DOCK1: variants seen among roughly 807,000 people sequenced by gnomAD.
The protein encoded by DOCK1 is dedicator of cytokinesis protein 1.
DOCK1 carries 138 observed loss-of-function variants against 262.7 expected under a neutral mutation model. The observed-to-expected ratio is 0.53, with a 90% CI of 0.46 to 0.61. DOCK1 has a LOEUF of 0.61. Among genes scored for constraint, DOCK1 ranks in the 20% least tolerant of loss-of-function variants. The pLI is 0.00. For synonymous variants in DOCK1, 866 were observed against 867.4 expected, an observed-to-expected ratio of 1.00 and a Z score of 0.03; for missense variants, 1,908 against 2,370.7, an observed-to-expected ratio of 0.80 and a Z score of 4.05.
intron 10 of DOCK1, 65 bp downstream of exon 10, chr10:127,000,372 C>T: frequency 6.3e-7 from 1 of 1,579,624 alleles, no homozygotes; most frequent in East Asian, 2.3e-5. Flanking sequence ...AAAAGAATCA[C>T]TGTTGAATGT....
chr10:126,965,416 C>T (rs1047584209), intron 1 of DOCK1, among the ~76,000 whole-genome samples: 378 of 152,178 alleles, frequency 2.5e-3, no homozygotes, highest in African/African-American at 8.2e-3. Flanking sequence ...TCAGAATGCT[C>T]GGCGAAATGG....
intron 22 of DOCK1, among the ~76,000 whole-genome samples, chr10:127,060,953 G>A (rs781003681): frequency 1.2e-4 from 19 of 152,336 alleles, no homozygotes; most frequent in African/African-American, 3.8e-4. Flanking sequence ...GGTAGTGGCC[G>A]CCTGGCGGCT....
At chr10:127,269,219 A>G (rs2135156771) in intron 29 of DOCK1, among the ~76,000 whole-genome samples, 1 of 152,300 alleles carries the variant, frequency 6.6e-6, no homozygotes, top group Middle Eastern at 3.4e-3. Context: ...TGCTTTGTTC[A>G]GAGCCTGACC....
intron 29 of DOCK1, among the ~76,000 whole-genome samples, chr10:127,287,314 T>TTC (rs2061192389): frequency 6.6e-6 from 1 of 151,910 alleles, no homozygotes; most frequent in African/African-American, 2.4e-5. Flanking sequence ...GCAATCCTCC[T>TTC]GAATAGCTAG....
At chr10:126,921,850 C>T (rs925162224) in intron 1 of DOCK1, among the ~76,000 whole-genome samples, 2 of 151,248 alleles carry the variant, frequency 1.3e-5, no homozygotes, top group Non-Finnish European at 2.9e-5. Context: ...TGGGGTTTTG[C>T]CATGTCGGCC....
At chr10:127,231,041 TAA>T (rs1394899634) in intron 27 of DOCK1, among the ~76,000 whole-genome samples, 1 of 152,158 alleles carries the variant, frequency 6.6e-6, no homozygotes, top group African/African-American at 2.4e-5. Context: ...TAATTATTCC[TAA>T]GTCTTTTATT....
In DOCK1 at chr10:127,287,856, A is replaced by T. The variant is rs973568743; in HGVS notation, c.3044+30427A>T. 3.9e-5 allele frequency among the ~76,000 whole-genome samples: 6 copies of T among 152,162 alleles called. No homozygotes were observed. The South Asian group carries it at 6.2e-4, about 16-fold the overall frequency. On this transcript the variant is annotated intron_variant, in intron 29 of 51. Coordinates refer to ENST00000623213, the MANE Select transcript of DOCK1 (RefSeq NM_001290223.2). ...TACAGTAGTTTTTCACCTAATTGTT[A>T]TGGCAGCCAATGATGATCATTGACT...
chr10:127,359,201 G>T (rs916636485), intron 32 of DOCK1, among the ~76,000 whole-genome samples: 2 of 152,036 alleles, frequency 1.3e-5, no homozygotes, highest in African/African-American at 4.8e-5. Context: ...CTCACCTTGG[G>T]GACCACTGGT....
chr10:127,428,402 G>A lies in DOCK1; in HGVS notation c.4914+2391G>A, dbSNP rs73388646. 7.7e-3 allele frequency among the ~76,000 whole-genome samples: 1,175 copies of A among 152,038 alleles called. 10 individuals carry two copies. The highest frequency in any genetic ancestry group is 0.027 in the African/African-American group (1,124 of 41,494). ...AGGGTGCTGTGGATTGGTGTGCTGT[G>A]TGGATTGGGGTGCCGTGTGAATTGG... On this transcript the variant is annotated intron_variant, in intron 47 of 51. Coordinates refer to ENST00000623213, the MANE Select transcript of DOCK1 (RefSeq NM_001290223.2).
At chr10:127,228,483 C>T (rs1714317082) in intron 27 of DOCK1, among the ~76,000 whole-genome samples, 1 of 152,168 alleles carries the variant, frequency 6.6e-6, no homozygotes, top group South Asian at 2.1e-4. Flanking sequence ...CTTCCAGGGG[C>T]TGAATTCCAC....
intron 1 of DOCK1, among the ~76,000 whole-genome samples, chr10:126,949,143 C>G (rs1032337700): frequency 6.6e-6 from 1 of 152,076 alleles, no homozygotes; most frequent in Non-Finnish European, 1.5e-5. Flanking sequence ...CTGGGTTCCC[C>G]TCTGCACTTG....
At chr10:127,132,301 G>C (rs536214180) in intron 27 of DOCK1, among the ~76,000 whole-genome samples, 1 of 151,812 alleles carries the variant, frequency 6.6e-6, no homozygotes, top group African/African-American at 2.4e-5. Flanking sequence ...ATGATCCGAA[G>C]TATTACATCC....
At chr10:126,907,792 TCAC>T (rs2031131818) in intron 1 of DOCK1, among the ~76,000 whole-genome samples, 1 of 152,106 alleles carries the variant, frequency 6.6e-6, no homozygotes, top group Admixed American at 6.5e-5. Flanking sequence ...TCCAGAAGCT[TCAC>T]CAGCGCTCAT....
intron 1 of DOCK1, among the ~76,000 whole-genome samples, chr10:126,948,815 C>G (rs941621835): frequency 6.6e-6 from 1 of 152,064 alleles, no homozygotes; most frequent in South Asian, 2.1e-4. Flanking sequence ...TCCATCCTCT[C>G]CCTCAAAGGG....
At position 126,982,045 on chromosome 10, in the gene DOCK1, T is replaced by G. The variant is rs2039021759; in HGVS notation, c.227+72T>G. Reference sequence around the variant, plus strand: ...TTGGCCTTGCTGCTCTTTTGTACGATGGCGTAATATGAGAGGGTCAAGACA... The same window carrying G: ...TTGGCCTTGCTGCTCTTTTGTACGAGGGCGTAATATGAGAGGGTCAAGACA... On this transcript the variant is annotated intron_variant, in intron 4 of 51. Coordinates refer to ENST00000623213, the MANE Select transcript of DOCK1 (RefSeq NM_001290223.2). 2.6e-6 allele frequency: 4 copies of G among 1,512,634 alleles called. No individual in the cohort carries two copies. In the Admixed American group the frequency reaches 7.3e-5, roughly 27 times the overall value. The allele number at this position is 1,512,634 out of a possible 1,614,324, so 93.7% of individuals were successfully genotyped here. A position where few individuals can be genotyped will look rare whatever the true frequency, so the allele number is the denominator to read the frequency against.
intron 29 of DOCK1, among the ~76,000 whole-genome samples, chr10:127,280,338 T>C (rs2060914204): frequency 6.6e-6 from 1 of 152,098 alleles, no homozygotes; most frequent in South Asian, 2.1e-4. Flanking sequence ...CCGGCCTTCA[T>C]ATATTTTTAT....
At chr10:127,447,267 A>T (rs1349118315) in intron 50 of DOCK1, 127 bp from the exon 51 acceptor site, 35 of 1,389,738 alleles carry the variant, frequency 2.5e-5, no homozygotes, top group Non-Finnish European at 3.4e-5. Context: ...CTGTTGACAA[A>T]CGTTTTCTGC....
intron 1 of DOCK1, among the ~76,000 whole-genome samples, chr10:126,912,597 G>A (rs1037529713): frequency 9.9e-5 from 15 of 151,720 alleles, no homozygotes; most frequent in African/African-American, 3.6e-4. Context: ...GTGGTGGCGG[G>A]CGCCTGTGGT....
chr10:127,357,840 C>T (rs1274245518), intron 32 of DOCK1, among the ~76,000 whole-genome samples: 4 of 152,138 alleles, frequency 2.6e-5, no homozygotes, highest in Admixed American at 6.5e-5. Context: ...CCTCCCCAAG[C>T]AGCCCCTCAG....
Sources: gnomAD v4.1 joint callset for allele counts (sites outside exome capture counted in the v4.1 genomes callset) on GRCh38, gnomAD v4.1.1 for gene constraint, MANE v1.5 for transcripts, NCBI Gene and HGNC (gene_info 2026-07-23, HGNC 2026-07-21) for gene names.